The following RAB27A variants were observed in gnomAD, a reference collection of about 807,000 sequenced individuals.
RAB27A encodes RAB27A, member RAS oncogene family.
RAB27A carries 17 observed loss-of-function variants against 20.8 expected under a neutral mutation model. The ratio of observed to expected loss-of-function variants is 0.82; its 90% CI spans 0.56 to 1.23. The LOEUF (loss-of-function observed/expected upper bound fraction) is 1.23, where lower values mean the gene tolerates loss of function less well. Among genes scored for constraint, RAB27A ranks in the 50% most tolerant of loss-of-function variants. The probability of loss-of-function intolerance (pLI) is 0.00; values close to 1 mark genes in which losing one functional copy is unlikely to be tolerated. For missense variants in RAB27A, 277 were observed against 266.7 expected (o/e 1.04, Z -0.27); for synonymous variants, 85 against 92.8 (o/e 0.92, Z 0.48).
chr15:55,309,473 A>T (rs1414682960), intron 2 of RAB27A, among the ~76,000 whole-genome samples: 2 of 152,252 alleles, frequency 1.3e-5, no homozygotes, highest in Non-Finnish European at 2.9e-5. Context: ...CATGTACCAA[A>T]GGACAAGAGT....
intron 2 of RAB27A, among the ~76,000 whole-genome samples, chr15:55,262,610 G>A (rs1217758479): frequency 6.7e-6 from 1 of 149,468 alleles, no homozygotes; most frequent in Non-Finnish European, 1.5e-5. Context: ...GGTGATACAG[G>A]TAGTCTTATC....
intron 2 of RAB27A, among the ~76,000 whole-genome samples, chr15:55,302,267 G>A (rs1249678653): frequency 6.6e-6 from 1 of 152,092 alleles, no homozygotes; most frequent in African/African-American, 2.4e-5. Context: ...TGGAGACGGG[G>A]TTTCGCTGTG....
chr15:55,313,185 GGAA>G (rs1178997348), intron 2 of RAB27A, among the ~76,000 whole-genome samples: 2 of 152,324 alleles, frequency 1.3e-5, no homozygotes, highest in East Asian at 1.9e-4. Context: ...GGAGGCCAAG[GGAA>G]GAAGATCGCT....
At chr15:55,264,286 G>A (rs1378311436) in intron 2 of RAB27A, among the ~76,000 whole-genome samples, 1 of 152,184 alleles carries the variant, frequency 6.6e-6, no homozygotes, top group Non-Finnish European at 1.5e-5. Flanking sequence ...CTTGACCTTA[G>A]GTGATCAGCC....
At chr15:55,288,405 C>T (rs189015138) in intron 1 of RAB27A, among the ~76,000 whole-genome samples, 231 of 152,184 alleles carry the variant, frequency 1.5e-3, no homozygotes, top group Non-Finnish European at 2.4e-3. Flanking sequence ...CCTGTAATTC[C>T]AGCTACTCTG....
At position 55,204,807 on chromosome 15, in the gene RAB27A, C is replaced by G. The variant is rs1009217442; in HGVS notation, c.*700G>C. On this transcript the variant is annotated 3_prime_UTR_variant, in exon 7 of 7. Transcript: ENST00000336787. ...GAGCAATGGGAATATAGCGGGGAGA[C>G]AGAAGTCCCACTTTGGTTGCTCATA... The G allele has an allele frequency of 6.5e-6, 1 of 152,826 alleles. No individual in the cohort carries two copies. The highest frequency in any genetic ancestry group is 6.5e-5 in the Admixed American group (1 of 15,340). 9.5% of individuals were successfully genotyped at this position (152,826 alleles called of 1,614,324 possible). A position where few individuals can be genotyped will look rare whatever the true frequency, so the allele number is the denominator to read the frequency against.
chr15:55,282,412 C>A (rs188729086), intron 1 of RAB27A, among the ~76,000 whole-genome samples: 15 of 152,320 alleles, frequency 9.8e-5, no homozygotes, highest in African/African-American at 3.4e-4. Flanking sequence ...TTACACAATT[C>A]TGTAAGTGTA....
rs147729596 is a variant in RAB27A at position 55,212,285 on chromosome 15, C to T, written c.468-6580G>A. 5.3e-5 allele frequency among the ~76,000 whole-genome samples: 8 copies of T among 152,240 alleles called. No individual in the cohort carries two copies. The East Asian group carries it at 1.4e-3, about 26-fold the overall frequency. On this transcript the variant is annotated intron_variant, in intron 6 of 6. Transcript: ENST00000336787. ...GTAGCAGAGTTAGGATTTGGGTCCA[C>T]AGCTAATTCCAATGCAGCCAGTTTA... is the stretch of plus-strand genomic sequence containing the variant.
chr15:55,215,289 C>T (rs1198572595), intron 6 of RAB27A, among the ~76,000 whole-genome samples: 1 of 152,072 alleles, frequency 6.6e-6, no homozygotes, highest in Non-Finnish European at 1.5e-5. Context: ...AATGAGAAAA[C>T]ATAGTGAAAG....
chr15:55,312,057 G>A lies in RAB27A; in HGVS notation c.-112+1982C>T, dbSNP rs142780792. On this transcript the variant is annotated intron_variant, in intron 2 of 5. Coordinates refer to the RAB27A transcript ENST00000563262. The stretch of plus-strand genomic sequence containing the variant: ...AAGCCGTGGGTCACGGAAGAGAACC[G>A]TGGAACCCAGTGACTAGTGTTCAGC... 1.7e-4 allele frequency among the ~76,000 whole-genome samples: 26 copies of A among 152,326 alleles called. No individual in the cohort carries two copies. The East Asian group carries it at 4.6e-3, about 27-fold the overall frequency.
At chr15:55,315,772 G>A (rs2055040536) in intron 1 of RAB27A, among the ~76,000 whole-genome samples, 1 of 152,222 alleles carries the variant, frequency 6.6e-6, no homozygotes, top group African/African-American at 2.4e-5. Context: ...TGGTGAGGCT[G>A]TGGAGAAATA....
At chr15:55,288,647 G>A (rs563165836) in intron 1 of RAB27A, among the ~76,000 whole-genome samples, 2 of 152,016 alleles carry the variant, frequency 1.3e-5, no homozygotes, top group Admixed American at 1.3e-4. Context: ...AGAAAGGAAG[G>A]AAGAAAAAAG....
exon 1 of RAB27A, chr15:55,319,078 G>C: frequency 1.3e-6 from 1 of 748,702 alleles, no homozygotes; most frequent in Non-Finnish European, 2.1e-6. Context: ...GTTCGGAAAC[G>C]GCGAAAGGAA....
chr15:55,219,556 C>T (rs1895467706), intron 6 of RAB27A, among the ~76,000 whole-genome samples: 1 of 152,200 alleles, frequency 6.6e-6, no homozygotes, highest in African/African-American at 2.4e-5. Flanking sequence ...CCTACTGAAT[C>T]AGAAACTGCG....
At chr15:55,319,113 G>C in exon 1 of RAB27A, 2 of 1,033,640 alleles carry the variant, frequency 1.9e-6, no homozygotes, top group Non-Finnish European at 2.7e-6. Flanking sequence ...ACCACGTCGG[G>C]TGGGAGCTAC....
chr15:55,208,885 G>T (rs1481215280), intron 6 of RAB27A, among the ~76,000 whole-genome samples: 2 of 152,188 alleles, frequency 1.3e-5, no homozygotes, highest in East Asian at 1.9e-4. Context: ...CATGAATATT[G>T]TCTAGGCAAC....
intron 2 of RAB27A, among the ~76,000 whole-genome samples, chr15:55,252,639 CA>C (rs1404272053): frequency 6.6e-6 from 1 of 151,894 alleles, no homozygotes; most frequent in African/African-American, 2.4e-5. Flanking sequence ...TTCATCCATG[CA>C]GCCAAAAACC....
At chr15:55,252,554 A>G (rs1896928028) in intron 2 of RAB27A, among the ~76,000 whole-genome samples, 1 of 152,154 alleles carries the variant, frequency 6.6e-6, no homozygotes, top group Admixed American at 6.5e-5. Flanking sequence ...GTGAGCCAAG[A>G]TCGCACTACT....
At chr15:55,261,676 G>C (rs567410788) in intron 2 of RAB27A, among the ~76,000 whole-genome samples, 1 of 141,196 alleles carries the variant, frequency 7.1e-6, no homozygotes, top group Non-Finnish European at 1.5e-5. Flanking sequence ...AGGAGGCGGA[G>C]GTTGCAGTGA....
Sources: gnomAD v4.1 joint callset for allele counts (sites outside exome capture counted in the v4.1 genomes callset) on GRCh38, gnomAD v4.1.1 for gene constraint, MANE v1.5 for transcripts, NCBI Gene and HGNC (gene_info 2026-07-23, HGNC 2026-07-21) for gene names.